Variants in GTPBP1 observed in about 807,000 individuals in gnomAD.
GTPBP1 encodes the protein GTP binding protein 1.
Under a neutral mutation model 62.0 loss-of-function variants are expected in GTPBP1, and 23 were observed. The ratio of observed to expected loss-of-function variants is 0.37; its 90% confidence interval spans 0.27 to 0.53. GTPBP1 has a LOEUF of 0.53. Among genes scored for constraint, GTPBP1 ranks in the 20% least tolerant of loss-of-function variants. GTPBP1 has a pLI of 0.89. For synonymous variants in GTPBP1, 344 were observed against 364.4 expected (o/e 0.94, Z 0.64); for missense variants, 640 against 917.3 (o/e 0.70, Z 3.90).
At chr22:38,719,013 AT>A (rs199499842) in intron 4 of GTPBP1, among the ~76,000 whole-genome samples, 6 of 150,186 alleles carry the variant, frequency 4.0e-5, no homozygotes, top group African/African-American at 7.3e-5. Context: ...ATTTATTTTA[AT>A]TTTTTTTTTG....
chr22:38,740,747 A>C (rs1603218484), downstream of GTPBP1: 2 of 590,342 alleles, frequency 3.4e-6, no homozygotes, highest in Non-Finnish European at 6.0e-6. This position sits in a 1 kb window ranked among gnomAD's most constrained non-coding sequence, Gnocchi z 4.8. Context: ...GCTGTAAGAA[A>C]GGATGCTGTG....
In GTPBP1 at chr22:38,729,566, G is replaced by C; in HGVS notation, c.1821G>C (p.Pro607=). The part of the protein sequence containing the change: ...GPLTKRDEGG[P]SGGPAVGAPP... ...TGACGAAACGAGACGAGGGGGGCCC[G>C]TCTGGTGGGCCAGCAGTAGGAGCAC... Residue 607 remains proline, a synonymous_variant, in exon 11 of 12, where the codon CCG becomes CCC. Transcript: ENST00000216044. The C allele has an allele frequency of 6.3e-7, 1 of 1,598,948 alleles. No homozygotes were observed. Among genetic ancestry groups the C allele is most frequent in the South Asian group, 1.1e-5 (1 of 89,168 alleles).
At chr22:38,709,057 TGGATCACCTGAGGTCAGG>T (rs2092623074) in intron 2 of GTPBP1, 101 bp downstream of exon 2, 2 of 680,290 alleles carry the variant, frequency 2.9e-6, no homozygotes, top group African/African-American at 1.8e-5. Context: ...CCAAGACGGG[TGGATCACCTGAGGTCAGG>T]AGTTCGAGAC....
rs111469147 is a variant in GTPBP1, at chr22:38,726,994, T to G, written c.1402-219T>G. Among the ~76,000 whole-genome samples the G allele has an allele frequency of 1.3e-5, 2 of 152,156 alleles. No individual in the cohort carries two copies. Among genetic ancestry groups the G allele is most frequent in the Non-Finnish European group, 2.9e-5 (2 of 68,032 alleles). On this transcript the variant is annotated intron_variant, in intron 8 of 11. Transcript: ENST00000216044. This position sits in a 1 kb window ranked among gnomAD's most constrained non-coding sequence, Gnocchi z 4.1. ...AGCAGCTGAAGTGCTGATTCCCGCATGAAGCCTTCCTGACCCCCAGTAGTA... is the reference window on the plus strand; with the variant it reads ...AGCAGCTGAAGTGCTGATTCCCGCAGGAAGCCTTCCTGACCCCCAGTAGTA...
chr22:38,741,807 C>CACG (rs1373428009), downstream of GTPBP1, among the ~76,000 whole-genome samples: 4 of 152,172 alleles, frequency 2.6e-5, no homozygotes, highest in African/African-American at 9.7e-5. Flanking sequence ...GTGGGGGAGA[C>CACG]ACGATGGCCT....
downstream of GTPBP1, chr22:38,740,634 C>G: frequency 1.7e-6 from 1 of 575,786 alleles, no homozygotes; most frequent in Non-Finnish European, 3.0e-6. This position sits in a 1 kb window ranked among gnomAD's most constrained non-coding sequence, Gnocchi z 4.8. Context: ...TAATTCTGAG[C>G]CTGCTCCCTT....
chr22:38,737,841 C>G, downstream of GTPBP1: 1 of 522,812 alleles, frequency 1.9e-6, no homozygotes, highest in Non-Finnish European at 3.8e-6. The surrounding 1 kb of genome is among the most constrained non-coding windows in gnomAD (Gnocchi z 4.1). Context: ...GTAGAATGCC[C>G]GCGCCCTGGC....
intron 2 of GTPBP1, among the ~76,000 whole-genome samples, chr22:38,709,680 G>A (rs150757293): frequency 6.6e-6 from 1 of 152,138 alleles, no homozygotes. Flanking sequence ...GAGGACCTCC[G>A]TGATTCTTCT....
downstream of GTPBP1, among the ~76,000 whole-genome samples, chr22:38,733,989 G>GT (rs1354343466): frequency 2.0e-5 from 3 of 152,224 alleles, no homozygotes; most frequent in Non-Finnish European, 4.4e-5. Context: ...GGCAGAGCAG[G>GT]TGTCAGTGAA....
At chr22:38,718,261 AG>A (rs2092681488) in intron 4 of GTPBP1, among the ~76,000 whole-genome samples, 1 of 152,206 alleles carries the variant, frequency 6.6e-6, no homozygotes, top group Non-Finnish European at 1.5e-5. Flanking sequence ...GTTGATATTA[AG>A]AAGGGTATAG....
At chr22:38,724,466 G>A (rs1007928134) in intron 6 of GTPBP1, 55 bp downstream of exon 6, 3 of 997,876 alleles carry the variant, frequency 3.0e-6, no homozygotes, top group African/African-American at 3.2e-5. Flanking sequence ...CAGGACCACA[G>A]TGAGTGATGG....
At position 38,705,964 on chromosome 22, in the gene GTPBP1, G is replaced by A. The variant is rs777504000; in HGVS notation, c.9G>A (p.Thr3=). The change falls in exon 1 of 12, where the codon ACG becomes ACA. Residue 3 remains threonine (T), a synonymous_variant. Coordinates refer to ENST00000216044, the MANE Select transcript of GTPBP1 (RefSeq NM_004286.5). MA[T]ERSRSAMDSP... ...AGCCTAAGTTATTAAAGATGGCGAC[G>A]GAGCGCAGTCGCTCCGCGATGGACT... The A allele has an allele frequency of 6.9e-7, 1 of 1,442,966 alleles. No homozygotes were observed. The highest frequency in any genetic ancestry group is 9.1e-7 in the Non-Finnish European group (1 of 1,094,652). The allele number at this position is 1,442,966 out of a possible 1,614,324, so 89.4% of individuals were successfully genotyped here.
At chr22:38,724,030 G>T (rs1426150327) in intron 5 of GTPBP1, among the ~76,000 whole-genome samples, 2 of 152,100 alleles carry the variant, frequency 1.3e-5, no homozygotes, top group African/African-American at 4.8e-5. Context: ...GCTTACAGGA[G>T]GCAGGTCGTC....
intron 10 of GTPBP1, chr22:38,728,555 G>C: frequency 8.7e-6 from 2 of 229,422 alleles, no homozygotes; most frequent in South Asian, 1.4e-4. Flanking sequence ...AGTTCTCTTG[G>C]GGCTTAAGCT....
downstream of GTPBP1, chr22:38,738,542 A>T: frequency 1.9e-6 from 3 of 1,591,150 alleles, no homozygotes; most frequent in Non-Finnish European, 2.6e-6. The surrounding 1 kb of genome is among the most constrained non-coding windows in gnomAD (Gnocchi z 6.6). Context: ...GGCCCACAGG[A>T]TCCCCCTGCA....
chr22:38,714,580 C>T (rs1245799709), intron 2 of GTPBP1, among the ~76,000 whole-genome samples: 1 of 151,542 alleles, frequency 6.6e-6, no homozygotes, highest in East Asian at 1.9e-4. Flanking sequence ...ATAGTACAGT[C>T]AACACGCGTT....
intron 4 of GTPBP1, among the ~76,000 whole-genome samples, chr22:38,720,386 AT>A (rs55850024): frequency 0.29 from 41,363 of 144,744 alleles, 5,683 homozygotes; most frequent in East Asian, 0.36. Context: ...CATGCAGCTA[AT>A]TTTTTTTTTT....
At chr22:38,721,704 C>T (rs746519980) in intron 4 of GTPBP1, 38 bp from the exon 5 acceptor site, 3 of 1,588,626 alleles carry the variant, frequency 1.9e-6, no homozygotes, top group South Asian at 1.1e-5. Flanking sequence ...CAATCTCTTT[C>T]TCTCTCGTCC....
At chr22:38,734,372 G>A (rs563522199), downstream of GTPBP1, 1 of 435,218 alleles carries the variant, frequency 2.3e-6, no homozygotes, top group South Asian at 1.7e-5. Flanking sequence ...GAGAATCACT[G>A]CACTCCAAGT....
Sources: gnomAD v4.1 joint callset for allele counts (sites outside exome capture counted in the v4.1 genomes callset) on GRCh38, gnomAD v4.1.1 for gene constraint, Gnocchi (gnomAD v3.1) non-coding constraint, MANE v1.5 for transcripts, NCBI Gene and HGNC (gene_info 2026-07-23, HGNC 2026-07-21) for gene names.